Variants in KIAA1217 observed in about 807,000 individuals in gnomAD.
The protein encoded by KIAA1217 is sickle tail protein homolog.
Under a neutral mutation model 163.9 loss-of-function variants are expected in KIAA1217, and 88 were observed. The observed-to-expected ratio is 0.54, with a 90% confidence interval of 0.45 to 0.64. The LOEUF (loss-of-function observed/expected upper bound fraction) is 0.64. KIAA1217 is among the 30% of genes least tolerant of loss of function. The pLI, the probability that KIAA1217 is intolerant of heterozygous loss-of-function variation, is 0.00. For missense variants in KIAA1217, 2,372 were observed against 2,475.0 expected, an observed-to-expected ratio of 0.96 and a Z score of 0.88; for synonymous variants, 903 against 923.1, an observed-to-expected ratio of 0.98 and a Z score of 0.39.
Position 24,105,058 on chromosome 10 carries a change from AGATGAT to A in KIAA1217, c.-171+97714_-171+97719del, listed in dbSNP as rs71869676. Among the ~76,000 whole-genome samples, 255 of 151,130 alleles carry A rather than the reference AGATGAT, an allele frequency of 1.7e-3. 3 individuals carry two copies. In the East Asian group the frequency reaches 0.029, roughly 17 times the overall value. On this transcript the variant is annotated intron_variant, in intron 2 of 18. Transcript: ENST00000376462. ...CAAAATGATGAAACTTCCCACTGCA[AGATGAT>A]GATGATGATGATGATGATGATGATG...
At chr10:24,324,621 A>G (rs1048338571) in intron 2 of KIAA1217, among the ~76,000 whole-genome samples, 1 of 152,112 alleles carries the variant, frequency 6.6e-6, no homozygotes, top group African/African-American at 2.4e-5. Flanking sequence ...CAAAGAAACT[A>G]TGGATAAATT....
At chr10:23,971,376 A>G (rs1214942288) in intron 1 of KIAA1217, among the ~76,000 whole-genome samples, 1 of 152,304 alleles carries the variant, frequency 6.6e-6, no homozygotes, top group East Asian at 1.9e-4. Flanking sequence ...CTATTGGGAG[A>G]CAACCTTTCC....
intron 5 of KIAA1217, among the ~76,000 whole-genome samples, chr10:24,454,682 T>C (rs1019843007): frequency 1.3e-5 from 2 of 152,098 alleles, no homozygotes; most frequent in African/African-American, 2.4e-5. Flanking sequence ...GTCCTTGCAG[T>C]CACTTACAAG....
chr10:24,402,333 T>G (rs548900725), intron 3 of KIAA1217, among the ~76,000 whole-genome samples: 38 of 151,862 alleles, frequency 2.5e-4, no homozygotes, highest in African/African-American at 8.7e-4. Flanking sequence ...GGTGAAACCC[T>G]GTCTCTACTA....
chr10:23,791,823 C>T (rs1835962792), intron 1 of KIAA1217, among the ~76,000 whole-genome samples: 1 of 152,218 alleles, frequency 6.6e-6, no homozygotes, highest in African/African-American at 2.4e-5. Context: ...AGAAATACCA[C>T]AGCCTACATC....
At chr10:23,733,729 T>C (rs568003120) in intron 1 of KIAA1217, among the ~76,000 whole-genome samples, 6 of 152,308 alleles carry the variant, frequency 3.9e-5, no homozygotes, top group Admixed American at 3.9e-4. Flanking sequence ...TTGTAGTATA[T>C]GGCACCTATA....
At chr10:24,147,788 A>G (rs1248957115) in intron 2 of KIAA1217, among the ~76,000 whole-genome samples, 1 of 134,730 alleles carries the variant, frequency 7.4e-6, no homozygotes, top group African/African-American at 2.8e-5. Context: ...ACCCAAGACC[A>G]TGCCACTGCA....
At chr10:24,256,360 G>C (rs1024423482) in intron 2 of KIAA1217, among the ~76,000 whole-genome samples, 12 of 152,300 alleles carry the variant, frequency 7.9e-5, no homozygotes, top group Non-Finnish European at 1.6e-4. Context: ...AAAATGTTTT[G>C]AGACTGTAGA....
upstream of KIAA1217, among the ~76,000 whole-genome samples, chr10:24,205,322 A>T (rs1286871682): frequency 6.8e-6 from 1 of 148,024 alleles, no homozygotes; most frequent in East Asian, 2.0e-4. Flanking sequence ...AAAAAAAAAA[A>T]AAAAAAGCCA....
Position 23,780,950 on chromosome 10 carries a change from G to A in KIAA1217, c.-321+85716G>A, listed in dbSNP as rs889078750. Among the ~76,000 whole-genome samples, 7 of 152,096 alleles carry A rather than the reference G, an allele frequency of 4.6e-5. No homozygotes were observed. The East Asian group carries it at 1.4e-3, about 29-fold the overall frequency. ...CCAACCTCAGCCTCCCAAAGGGCTGGGATTACAGGCGTGAGCCACCACACC... is the reference window on the plus strand; with the variant it reads ...CCAACCTCAGCCTCCCAAAGGGCTGAGATTACAGGCGTGAGCCACCACACC... On this transcript the variant is annotated intron_variant, in intron 1 of 18. Coordinates refer to the KIAA1217 transcript ENST00000376462.
intron 1 of KIAA1217, among the ~76,000 whole-genome samples, chr10:23,771,581 T>C (rs1217362762): frequency 6.6e-6 from 1 of 152,242 alleles, no homozygotes; most frequent in Non-Finnish European, 1.5e-5. Context: ...AATAGAATTT[T>C]ATTGGTCAGG....
chr10:24,028,707 A>G (rs895068509), intron 2 of KIAA1217, among the ~76,000 whole-genome samples: 12 of 152,138 alleles, frequency 7.9e-5, no homozygotes, highest in African/African-American at 2.7e-4. Flanking sequence ...CATTGTTTTT[A>G]TCTTTACATT....
In KIAA1217 at chr10:24,209,165, G is replaced by C; in HGVS notation, c.-29G>C. On this transcript the variant is annotated 5_prime_UTR_variant, in exon 1 of 21. Coordinates refer to ENST00000376454, the MANE Select transcript of KIAA1217 (RefSeq NM_019590.5). ...AACTGCGCTCTGAAGTTTCCAGAGA[G>C]CGAGGAGCTTTTGCGGCAGGCAGAG... The C allele has an allele frequency of 6.2e-7, 1 of 1,610,524 alleles. No individual in the cohort carries two copies. The highest frequency in any genetic ancestry group is 8.5e-7 in the Non-Finnish European group (1 of 1,177,000).
Position 24,289,521 on chromosome 10 carries a change from T to TGGA in KIAA1217, c.354+69631_354+69633dup, listed in dbSNP as rs145225149. 7.2e-3 allele frequency among the ~76,000 whole-genome samples: 1,098 copies of TGGA among 151,878 alleles called. 10 individuals carry two copies. Among genetic ancestry groups the TGGA allele is most frequent in the Middle Eastern group, 0.024 (7 of 294 alleles). On this transcript the variant is annotated intron_variant, in intron 2 of 20. Coordinates refer to ENST00000376454, the MANE Select transcript of KIAA1217 (RefSeq NM_019590.5). ...CGCAGTTGGGGCTGAATTGTCCTCA[T>TGGA]GGAGGAGGAGGAGGAGGAGGAAGTT...
At chr10:24,324,113 T>A (rs1433990363) in intron 2 of KIAA1217, among the ~76,000 whole-genome samples, 1 of 143,810 alleles carries the variant, frequency 7.0e-6, no homozygotes, top group African/African-American at 2.6e-5. Context: ...CAAAAAAAAA[T>A]TTAAATTAGC....
At chr10:23,768,570 A>T (rs1309892011) in intron 1 of KIAA1217, among the ~76,000 whole-genome samples, 1 of 152,212 alleles carries the variant, frequency 6.6e-6, no homozygotes, top group African/African-American at 2.4e-5. Context: ...ACCATTCAGG[A>T]ACAAAGGTAT....
At chr10:24,370,826 C>A (rs2051537452) in intron 2 of KIAA1217, among the ~76,000 whole-genome samples, 2 of 152,184 alleles carry the variant, frequency 1.3e-5, no homozygotes, top group African/African-American at 4.8e-5. Flanking sequence ...TATCCTCCTG[C>A]CTCAGCCTCT....
chr10:23,920,862 AT>A (rs1353071595), intron 1 of KIAA1217, among the ~76,000 whole-genome samples: 1 of 152,156 alleles, frequency 6.6e-6, no homozygotes, highest in Admixed American at 6.5e-5. Context: ...AGGTAATTGA[AT>A]CATGAGGGAG....
chr10:24,209,339 C>A, intron 1 of KIAA1217, 76 bp downstream of exon 1: 4 of 1,072,454 alleles, frequency 3.7e-6, no homozygotes, highest in Non-Finnish European at 5.5e-6. Context: ...TTATAAACTG[C>A]AGCTCTGGGA....
Sources: gnomAD v4.1 joint callset for allele counts (sites outside exome capture counted in the v4.1 genomes callset) on GRCh38, gnomAD v4.1.1 for gene constraint, MANE v1.5 for transcripts, NCBI Gene and HGNC (gene_info 2026-07-23, HGNC 2026-07-21) for gene names.